Variants in IGF1R observed in about 807,000 individuals in gnomAD.
The protein encoded by IGF1R is insulin-like growth factor 1 receptor.
Under a neutral mutation model 144.6 loss-of-function variants are expected in IGF1R, and 44 were observed. The observed-to-expected ratio is 0.30, with a 90% CI of 0.24 to 0.39. The LOEUF (loss-of-function observed/expected upper bound fraction) is 0.39. Among genes scored for constraint, IGF1R ranks in the 10% least tolerant of loss-of-function variants. IGF1R has a pLI of 1.00. For missense variants in IGF1R, 1,355 were observed against 1,833.7 expected, an observed-to-expected ratio of 0.74 and a Z score of 4.77; for synonymous variants, 795 against 722.8, an observed-to-expected ratio of 1.10 and a Z score of -1.60.
chr15:98,737,536 CAAAT>C (rs2141307793), intron 2 of IGF1R, among the ~76,000 whole-genome samples: 1 of 152,162 alleles, frequency 6.6e-6, no homozygotes, highest in South Asian at 2.1e-4. Flanking sequence ...TGAGCCCTGT[CAAAT>C]AAATTCTGAA....
chr15:98,684,407 A>C (rs1400582085), intron 1 of IGF1R, among the ~76,000 whole-genome samples: 1 of 57,470 alleles, frequency 1.7e-5, no homozygotes, highest in African/African-American at 6.9e-5. Context: ...CTAATGGGGG[A>C]GGTGGGGGGT....
intron 2 of IGF1R, among the ~76,000 whole-genome samples, chr15:98,736,419 G>A (rs1596250373): frequency 1.3e-5 from 2 of 152,090 alleles, no homozygotes; most frequent in Admixed American, 1.3e-4. Flanking sequence ...GGTGAGACAT[G>A]GATAAGGCTT....
intron 2 of IGF1R, among the ~76,000 whole-genome samples, chr15:98,859,841 C>T (rs967340606): frequency 6.6e-6 from 1 of 152,160 alleles, no homozygotes; most frequent in Non-Finnish European, 1.5e-5. Flanking sequence ...TTCTGTTGGT[C>T]TTCTGTACTG....
Position 98,751,601 on chromosome 15 carries a change from C to G in IGF1R, c.640+43494C>G, listed in dbSNP as rs537303915. Among the ~76,000 whole-genome samples, 105 of 152,310 alleles carry G rather than the reference C, an allele frequency of 6.9e-4. 2 individuals are homozygous for G. The highest frequency in any genetic ancestry group is 2.2e-4 in the Non-Finnish European group (15 of 68,032). On this transcript the variant is annotated intron_variant, in intron 2 of 20. Coordinates refer to ENST00000650285, the MANE Select transcript of IGF1R (RefSeq NM_000875.5). ...TTTTTATAAGTAAAGAAGGCTGCAG[C>G]AAACTCTGTTGTACTACTTAATCTT...
chr15:98,668,523 T>G (rs2052801637), intron 1 of IGF1R, among the ~76,000 whole-genome samples: 2 of 152,228 alleles, frequency 1.3e-5, no homozygotes, highest in Admixed American at 1.3e-4. Flanking sequence ...TAGTGCACCT[T>G]CTGAGCACCC....
intron 10 of IGF1R, among the ~76,000 whole-genome samples, chr15:98,921,437 A>T (rs1377528764): frequency 2.0e-5 from 3 of 152,114 alleles, no homozygotes; most frequent in Non-Finnish European, 2.9e-5. Flanking sequence ...CAAATCCATG[A>T]CGAGGACTCT....
At chr15:98,864,025 T>C (rs1435326706) in intron 2 of IGF1R, among the ~76,000 whole-genome samples, 2 of 152,172 alleles carry the variant, frequency 1.3e-5, no homozygotes, top group Admixed American at 1.3e-4. Flanking sequence ...TGGGAGGCCA[T>C]AGGCAAGAGG....
chr15:98,902,516 C>T (rs2014534724), intron 5 of IGF1R, among the ~76,000 whole-genome samples: 1 of 147,806 alleles, frequency 6.8e-6, no homozygotes, highest in Non-Finnish European at 1.5e-5. Flanking sequence ...CTCCTGGGTT[C>T]AAGCGATTCT....
chr15:98,866,612 C>T (rs1276258215), intron 2 of IGF1R, among the ~76,000 whole-genome samples: 2 of 152,156 alleles, frequency 1.3e-5, no homozygotes, highest in African/African-American at 4.8e-5. Flanking sequence ...ATTATAGTGA[C>T]GTCCTTGCAT....
chr15:98,755,251 G>T (rs1050647564), intron 2 of IGF1R, among the ~76,000 whole-genome samples: 1 of 151,876 alleles, frequency 6.6e-6, no homozygotes, highest in African/African-American at 2.4e-5. Context: ...TAGGTCAGTT[G>T]CTGCGGAGTT....
intron 2 of IGF1R, among the ~76,000 whole-genome samples, chr15:98,814,556 G>A (rs549572386): frequency 4.5e-4 from 69 of 152,260 alleles, no homozygotes; most frequent in African/African-American, 1.4e-3. Flanking sequence ...CCGTGTTGCC[G>A]GGGTTAGTCT....
chr15:98,674,810 A>C (rs1364976116), intron 1 of IGF1R, among the ~76,000 whole-genome samples: 3 of 152,020 alleles, frequency 2.0e-5, no homozygotes, highest in Non-Finnish European at 4.4e-5. Flanking sequence ...CCCTAGACTT[A>C]TATGTGTATC....
At chr15:98,859,223 C>T (rs945032454) in intron 2 of IGF1R, among the ~76,000 whole-genome samples, 1 of 152,106 alleles carries the variant, frequency 6.6e-6, no homozygotes, top group South Asian at 2.1e-4. Flanking sequence ...ATAATTATGA[C>T]CAGTGTATTG....
At chr15:98,859,650 C>A (rs2012035816) in intron 2 of IGF1R, among the ~76,000 whole-genome samples, 1 of 152,096 alleles carries the variant, frequency 6.6e-6, no homozygotes, top group Non-Finnish European at 1.5e-5. Context: ...TCTCAGTGTC[C>A]AGATAGCCAG....
At chr15:98,775,776 A>C (rs1000377078) in intron 2 of IGF1R, among the ~76,000 whole-genome samples, 6 of 152,250 alleles carry the variant, frequency 3.9e-5, no homozygotes, top group African/African-American at 1.4e-4. Context: ...GCCCCACCCC[A>C]GGGTTTCCGA....
intron 19 of IGF1R, among the ~76,000 whole-genome samples, chr15:98,945,206 A>G (rs1248740937): frequency 6.6e-6 from 1 of 152,208 alleles, no homozygotes; most frequent in Admixed American, 6.5e-5. Context: ...CCAACACATA[A>G]TCTTTATTTT....
intron 2 of IGF1R, among the ~76,000 whole-genome samples, chr15:98,821,439 A>T (rs1393677218): frequency 6.6e-6 from 1 of 152,202 alleles, no homozygotes; most frequent in Non-Finnish European, 1.5e-5. Flanking sequence ...AGTAAAACAG[A>T]ATCATGAGTA....
intron 2 of IGF1R, among the ~76,000 whole-genome samples, chr15:98,840,513 A>G (rs1291185198): frequency 2.0e-5 from 3 of 152,080 alleles, no homozygotes; most frequent in Non-Finnish European, 4.4e-5. Flanking sequence ...GCAGTAGTGC[A>G]GTCGTGGCTC....
intron 2 of IGF1R, among the ~76,000 whole-genome samples, chr15:98,797,588 A>C (rs905786221): frequency 6.6e-6 from 1 of 152,246 alleles, no homozygotes; most frequent in Non-Finnish European, 1.5e-5. Flanking sequence ...CATTCCATGC[A>C]CATGCACCTG....
Sources: gnomAD v4.1 joint callset for allele counts (sites outside exome capture counted in the v4.1 genomes callset) on GRCh38, gnomAD v4.1.1 for gene constraint, MANE v1.5 for transcripts, NCBI Gene and HGNC (gene_info 2026-07-23, HGNC 2026-07-21) for gene names.